The following ITIH2 variants were observed in gnomAD, a reference collection of about 807,000 sequenced individuals.
ITIH2 encodes inter-alpha-trypsin inhibitor heavy chain 2.
In ITIH2, 103 loss-of-function variants were observed where a neutral mutation model predicts 104.4. That is an observed-to-expected ratio of 0.99 (90% CI 0.84 to 1.16). ITIH2 has a LOEUF of 1.16. ITIH2 is among the 50% of genes most tolerant of loss of function. The probability of loss-of-function intolerance (pLI) is 0.00; values close to 1 mark genes in which losing one functional copy is unlikely to be tolerated. For synonymous variants in ITIH2, 436 were observed against 435.4 expected (o/e 1.00, Z -0.02); for missense variants, 1,108 against 1,162.4 (o/e 0.95, Z 0.68).
intron 4 of ITIH2, among the ~76,000 whole-genome samples, chr10:7,712,080 A>G (rs1232303386): frequency 3.3e-5 from 5 of 152,122 alleles, no homozygotes; most frequent in Admixed American, 3.3e-4. Context: ...CTTTTTCTTT[A>G]TTCTTTTCCA....
chr10:7,719,712 G>C (rs1294031310), intron 6 of ITIH2, among the ~76,000 whole-genome samples: 1 of 117,076 alleles, frequency 8.5e-6, no homozygotes, highest in Non-Finnish European at 1.6e-5. Context: ...AGTTAGCTAT[G>C]ATCATGCCAC....
chr10:7,714,231 G>C (rs181764777), intron 5 of ITIH2, among the ~76,000 whole-genome samples: 1,497 of 145,912 alleles, frequency 0.01, 8 homozygotes, highest in South Asian at 0.026. Context: ...GAGTGCAGTG[G>C]TGCGATCTCG....
chr10:7,717,987 G>A (rs562644875), intron 6 of ITIH2, among the ~76,000 whole-genome samples, 199 bp downstream of exon 6: 23 of 152,228 alleles, frequency 1.5e-4, no homozygotes, highest in African/African-American at 3.1e-4. Flanking sequence ...CTTAGCAGCC[G>A]TATTATGGTG....
chr10:7,704,460 A>G (rs1455343029), intron 1 of ITIH2, among the ~76,000 whole-genome samples: 1 of 152,190 alleles, frequency 6.6e-6, no homozygotes, highest in Non-Finnish European at 1.5e-5. Flanking sequence ...CTACATTTTT[A>G]ACTTGGGGAG....
Position 7,735,109 on chromosome 10 carries a change from G to A in ITIH2, c.1957+18G>A. 1 of 1,589,432 alleles carries A rather than the reference G, an allele frequency of 6.3e-7. No homozygotes were observed. The highest frequency in any genetic ancestry group is 8.5e-7 in the Non-Finnish European group (1 of 1,171,746). ...CTGCTCAGGTCAGGGCTGCACCTGT[G>A]GGGACAAGTGGCCAGGCAGCTCTCT... On this transcript the variant is annotated intron_variant, in intron 15 of 20. Transcript: ENST00000358415.
chr10:7,731,784 T>C, intron 12 of ITIH2, 27 bp from the exon 13 acceptor site: 1 of 1,423,222 alleles, frequency 7.0e-7, no homozygotes, highest in Non-Finnish European at 9.6e-7. Context: ...GGAACATAAT[T>C]TCTCTCTCTC....
intron 5 of ITIH2, among the ~76,000 whole-genome samples, chr10:7,713,681 G>A (rs1834818868): frequency 6.6e-6 from 1 of 152,176 alleles, no homozygotes; most frequent in South Asian, 2.1e-4. Flanking sequence ...ACTACTTGTA[G>A]GGATAAGGGG....
At chr10:7,708,588 A>G (rs1834768052) in intron 3 of ITIH2, among the ~76,000 whole-genome samples, 1 of 152,150 alleles carries the variant, frequency 6.6e-6, no homozygotes, top group Non-Finnish European at 1.5e-5. Flanking sequence ...TCCACCCCAC[A>G]GCACCCCTGT....
chr10:7,740,712 G>A (rs989335725), intron 16 of ITIH2, among the ~76,000 whole-genome samples: 1 of 152,158 alleles, frequency 6.6e-6, no homozygotes, highest in African/African-American at 2.4e-5. Flanking sequence ...AGACACATCT[G>A]CCCCATGACC....
chr10:7,727,797 C>A lies in ITIH2; in HGVS notation c.1248C>A (p.Ile416=). ...TAGACCCCAACTCCGTCTCGCTGAT[C>A]ATTTTGGTTTCTGATGGAGATCCAA... ...GLLDPNSVSL[I]ILVSDGDPTV... is the part of the protein sequence containing the mutation. The change falls in exon 11 of 21, where the codon ATC becomes ATA. Residue 416 remains isoleucine, a synonymous_variant. Coordinates refer to ENST00000358415, the MANE Select transcript of ITIH2 (RefSeq NM_002216.3). The A allele has an allele frequency of 6.2e-7, 1 of 1,614,180 alleles. No individual in the cohort carries two copies. Among genetic ancestry groups the A allele is most frequent in the Non-Finnish European group, 8.5e-7 (1 of 1,180,014 alleles).
At position 7,703,445 on chromosome 10, in the gene ITIH2, T is replaced by G. The variant is rs1251431673; in HGVS notation, c.11T>G (p.Leu4Arg). MKR[L>R]TCFFICFFLS... ...AAACTGTCCAGCAAAATGAAAAGAC[T>G]CACGTGCTTTTTCATCTGCTTCTTT... The change falls in exon 1 of 21, where the codon CTC becomes CGC. Residue 4 changes from leucine to arginine, a missense_variant. Physicochemically the swap from Leu to Arg is moderately radical, Grantham distance 102. Transcript: ENST00000358415. 1.2e-6 allele frequency: 2 copies of G among 1,613,422 alleles called. No homozygotes were observed. Among genetic ancestry groups the G allele is most frequent in the Non-Finnish European group, 8.5e-7 (1 of 1,179,346 alleles).
rs1835039559 is a variant in ITIH2 at position 7,735,002 on chromosome 10, C to T, written c.1868C>T (p.Thr623Ile). 6.2e-7 allele frequency: 1 copy of T among 1,613,868 alleles called. No homozygotes were observed. The highest frequency in any genetic ancestry group is 8.5e-7 in the Non-Finnish European group (1 of 1,180,014). The change falls in exon 15 of 21, where the codon ACT (threonine) becomes ATT (isoleucine). Residue 623 changes from threonine (T) to isoleucine (I), a missense_variant. Transcript: ENST00000358415. ...LQMSLDHHIVTPLTSLVIENE... is the reference protein window; with the variant it reads ...LQMSLDHHIVIPLTSLVIENE... The stretch of plus-strand genomic sequence containing the variant: ...ATGTCTCTAGACCACCACATTGTGA[C>T]TCCGCTGACCTCGCTGGTGATCGAG...
At chr10:7,747,681 G>A (rs538696028) in intron 20 of ITIH2, among the ~76,000 whole-genome samples, 4 of 152,214 alleles carry the variant, frequency 2.6e-5, no homozygotes, top group African/African-American at 9.6e-5. Flanking sequence ...GAGACCAGGA[G>A]TTCAAGACCA....
intron 16 of ITIH2, among the ~76,000 whole-genome samples, chr10:7,740,900 G>C (rs1188683895): frequency 6.6e-6 from 1 of 152,144 alleles, no homozygotes; most frequent in African/African-American, 2.4e-5. Context: ...AGTCACGGAG[G>C]TCCTTGATCT....
chr10:7,713,051 T>C (rs1157029006), intron 4 of ITIH2, 130 bp from the exon 5 acceptor site: 1 of 628,722 alleles, frequency 1.6e-6, no homozygotes, highest in East Asian at 2.8e-5. Flanking sequence ...ACCCAGGAGG[T>C]GGAGGTTGCA....
chr10:7,710,685 T>G (rs75085489), intron 4 of ITIH2, among the ~76,000 whole-genome samples: 4,642 of 152,274 alleles, frequency 0.03, 93 homozygotes, highest in South Asian at 0.054. Flanking sequence ...TCTAACCAAA[T>G]AGGCAGAAAA....
Position 7,717,678 on chromosome 10 carries a change from G to A in ITIH2, c.520G>A (p.Gly174Arg). 6.2e-7 allele frequency: 1 copy of A among 1,613,902 alleles called. No individual in the cohort carries two copies. Among genetic ancestry groups the A allele is most frequent in the Non-Finnish European group, 8.5e-7 (1 of 1,179,976 alleles). Reference protein sequence around the residue: ...NFRTEVNVLPGAKVQFELHYQ... With the variant: ...NFRTEVNVLPRAKVQFELHYQ... ...CAGAACGGAAGTAAATGTCCTCCCA[G>A]GAGCAAAGGTGCAGTTCGAACTTCA... The change falls in exon 6 of 21, where the codon GGA becomes AGA. Residue 174 changes from glycine to arginine, a missense_variant. Transcript: ENST00000358415.
chr10:7,731,778 C>T (rs767719878), intron 12 of ITIH2, 33 bp from the exon 13 acceptor site: 4 of 1,449,694 alleles, frequency 2.8e-6, no homozygotes, highest in Non-Finnish European at 3.8e-6. Context: ...GCAGTAGGAA[C>T]ATAATTTCTC....
intron 14 of ITIH2, among the ~76,000 whole-genome samples, chr10:7,732,867 A>T (rs930904940): frequency 1.3e-5 from 2 of 152,018 alleles, no homozygotes; most frequent in African/African-American, 4.8e-5. Flanking sequence ...AGCTGGGATT[A>T]CTGGTGCCCA....
Sources: allele counts gnomAD v4.1 joint callset (sites outside exome capture counted in the v4.1 genomes callset), GRCh38; gene constraint gnomAD v4.1.1; transcripts MANE v1.5; gene names NCBI Gene and HGNC (gene_info 2026-07-23, HGNC 2026-07-21).